STAG1: variants seen among roughly 807,000 people sequenced by gnomAD.
STAG1 encodes cohesin subunit SA-1.
STAG1 carries 26 observed loss-of-function variants against 170.9 expected under a neutral mutation model. The observed-to-expected ratio is 0.15, with a 90% CI of 0.11 to 0.21. The LOEUF is 0.21. Among genes scored for constraint, STAG1 ranks in the 10% least tolerant of loss-of-function variants. The probability of loss-of-function intolerance (pLI) is 1.00; values close to 1 mark genes in which losing one functional copy is unlikely to be tolerated. For synonymous variants in STAG1, 514 were observed against 497.7 expected (o/e 1.03, Z -0.44); for missense variants, 964 against 1,509.5 (o/e 0.64, Z 5.99).
At chr3:136,355,294 G>C (rs1192441305) in intron 28 of STAG1, among the ~76,000 whole-genome samples, 1 of 135,058 alleles carries the variant, frequency 7.4e-6, no homozygotes, top group Non-Finnish European at 1.5e-5. Flanking sequence ...AGAGATTGCA[G>C]TGAGCCAAGA....
At chr3:136,456,464 A>G (rs1489620285) in intron 13 of STAG1, among the ~76,000 whole-genome samples, 1 of 152,184 alleles carries the variant, frequency 6.6e-6, no homozygotes, top group African/African-American at 2.4e-5. Context: ...ACCTAGTCAG[A>G]AGAGCAAAAA....
intron 22 of STAG1, among the ~76,000 whole-genome samples, chr3:136,384,565 T>C (rs1365591677): frequency 6.6e-6 from 1 of 151,908 alleles, no homozygotes; most frequent in East Asian, 1.9e-4. Context: ...GGTCAAGAGT[T>C]TGATACCAGC....
chr3:136,689,359 G>A (rs920681679), intron 1 of STAG1, among the ~76,000 whole-genome samples: 1 of 152,082 alleles, frequency 6.6e-6, no homozygotes, highest in African/African-American at 2.4e-5. Flanking sequence ...CAGAATAAAT[G>A]GCATAATAAG....
chr3:136,343,952 G>A lies in STAG1; in HGVS notation c.3326C>T (p.Pro1109Leu), dbSNP rs1936110274. 2 of 1,612,250 alleles carry A rather than the reference G, an allele frequency of 1.2e-6. No homozygotes were observed. The highest frequency in any genetic ancestry group is 4.5e-5 in the East Asian group (2 of 44,676). Residue 1109 changes from proline (P) to leucine (L), a missense_variant, in exon 30 of 34, where the codon CCT (proline) becomes CTT (leucine). Physicochemically the swap from Pro to Leu is moderately conservative, Grantham distance 98. Around this residue, in one of 11 missense-constraint regions of STAG1, gnomAD observed 122 missense variants for 129.0 expected, o/e 0.95. Coordinates refer to ENST00000383202, the MANE Select transcript of STAG1 (RefSeq NM_005862.3). ...LNRTDTMIQT[P>L]GPLPAPQLTS... ...GAGTTGTGGTGCTGGCAGGGGGCCAGGAGTCTGAATCATGGTGTCAGTCCT... is the reference window on the plus strand; with the variant it reads ...GAGTTGTGGTGCTGGCAGGGGGCCAAGAGTCTGAATCATGGTGTCAGTCCT...
chr3:136,431,264 T>C (rs1328467303), intron 16 of STAG1, among the ~76,000 whole-genome samples: 1 of 151,976 alleles, frequency 6.6e-6, no homozygotes, highest in East Asian at 1.9e-4. Context: ...ATATTCCTTA[T>C]GGCTTGAAGG....
intron 13 of STAG1, among the ~76,000 whole-genome samples, chr3:136,462,934 A>T (rs2089314389): frequency 6.6e-6 from 1 of 152,156 alleles, no homozygotes; most frequent in Non-Finnish European, 1.5e-5. Flanking sequence ...CAGAGAACCA[A>T]TCTCATAAGT....
intron 20 of STAG1, among the ~76,000 whole-genome samples, chr3:136,420,367 C>T (rs2087916235): frequency 6.7e-6 from 1 of 149,596 alleles, no homozygotes; most frequent in Non-Finnish European, 1.5e-5. Context: ...TAAAAAACAA[C>T]TATTTTGTTT....
At chr3:136,719,651 G>C (rs1295859878) in intron 1 of STAG1, among the ~76,000 whole-genome samples, 1 of 121,698 alleles carries the variant, frequency 8.2e-6, no homozygotes, top group Non-Finnish European at 1.7e-5. Context: ...AGGTGGGTAG[G>C]TGGGTGGGTG....
intron 3 of STAG1, among the ~76,000 whole-genome samples, chr3:136,619,144 T>C (rs1468428976): frequency 6.6e-6 from 1 of 151,920 alleles, no homozygotes; most frequent in African/African-American, 2.4e-5. Context: ...CAATTCTTCA[T>C]AGAATTCTTA....
chr3:136,399,553 C>G (rs987906488), intron 21 of STAG1, among the ~76,000 whole-genome samples: 1 of 152,118 alleles, frequency 6.6e-6, no homozygotes, highest in African/African-American at 2.4e-5. Flanking sequence ...TTGCATGTAC[C>G]TAGAGTTCAT....
intron 1 of STAG1, among the ~76,000 whole-genome samples, chr3:136,711,398 A>G (rs1224413419): frequency 6.6e-6 from 1 of 152,090 alleles, no homozygotes; most frequent in East Asian, 1.9e-4. Context: ...CGTCTCTACA[A>G]ATAATTTTAA....
At chr3:136,455,493 C>T (rs1165153443) in intron 13 of STAG1, among the ~76,000 whole-genome samples, 1 of 152,138 alleles carries the variant, frequency 6.6e-6, no homozygotes, top group African/African-American at 2.4e-5. Flanking sequence ...TGCAAGAAGC[C>T]CACTCCAGTT....
chr3:136,520,223 T>C (rs1260006583), intron 7 of STAG1, among the ~76,000 whole-genome samples: 1 of 152,148 alleles, frequency 6.6e-6, no homozygotes, highest in Non-Finnish European at 1.5e-5. Context: ...GCCTAGGAAC[T>C]TCTTGCCCAG....
At chr3:136,427,841 A>T (rs183598618) in intron 16 of STAG1, among the ~76,000 whole-genome samples, 1 of 152,208 alleles carries the variant, frequency 6.6e-6, no homozygotes, top group African/African-American at 2.4e-5. Context: ...AAGTCATATA[A>T]TAACAACTTA....
intron 5 of STAG1, among the ~76,000 whole-genome samples, chr3:136,546,461 TAG>T (rs1210173412): frequency 6.6e-6 from 1 of 152,136 alleles, no homozygotes; most frequent in African/African-American, 2.4e-5. Flanking sequence ...AATTACACAT[TAG>T]AGACAAAATG....
chr3:136,724,362 G>C (rs915836246), intron 1 of STAG1, among the ~76,000 whole-genome samples: 4 of 151,496 alleles, frequency 2.6e-5, no homozygotes, highest in Non-Finnish European at 5.9e-5. Flanking sequence ...AATGGATTAA[G>C]GGTGGTGCAA....
chr3:136,574,340 G>A (rs1394320764), intron 4 of STAG1, among the ~76,000 whole-genome samples: 5 of 148,614 alleles, frequency 3.4e-5, no homozygotes, highest in South Asian at 2.1e-4. Context: ...ATGTGTGTGT[G>A]TATACACACA....
At chr3:136,538,217 ACATT>A (rs1935733906) in intron 6 of STAG1, among the ~76,000 whole-genome samples, 1 of 152,198 alleles carries the variant, frequency 6.6e-6, no homozygotes, top group Non-Finnish European at 1.5e-5. Context: ...AATACTATAT[ACATT>A]TAATTCTATT....
intron 1 of STAG1, among the ~76,000 whole-genome samples, chr3:136,635,651 T>C (rs1411138516): frequency 6.6e-6 from 1 of 152,080 alleles, no homozygotes; most frequent in Non-Finnish European, 1.5e-5. Flanking sequence ...AAAAGGTACA[T>C]AGCTTGGGAA....
Sources: allele counts gnomAD v4.1 joint callset (sites outside exome capture counted in the v4.1 genomes callset), GRCh38; gene constraint gnomAD v4.1.1; regional missense constraint gnomAD v4.1.1; transcripts MANE v1.5; gene names NCBI Gene and HGNC (gene_info 2026-07-23, HGNC 2026-07-21).